GRK5: variants seen among roughly 807,000 people sequenced by gnomAD.
The protein encoded by GRK5 is g protein-coupled receptor kinase GRK5.
GRK5 carries 40 observed loss-of-function variants against 78.4 expected under a neutral mutation model. The ratio of observed to expected loss-of-function variants is 0.51; its 90% CI spans 0.40 to 0.66. The LOEUF is 0.66. Among genes scored for constraint, GRK5 ranks in the 30% least tolerant of loss-of-function variants. The probability of loss-of-function intolerance (pLI) is 0.00; values close to 1 mark genes in which losing one functional copy is unlikely to be tolerated. For missense variants in GRK5, 598 were observed against 759.9 expected (o/e 0.79, Z 2.50); for synonymous variants, 289 against 296.8 (o/e 0.97, Z 0.27).
chr10:119,389,673 C>G (rs1851854968), intron 3 of GRK5, among the ~76,000 whole-genome samples: 1 of 152,194 alleles, frequency 6.6e-6, no homozygotes. Flanking sequence ...AGTCCTTTCC[C>G]TGGAATTGAT....
chr10:119,251,154 G>C (rs1318969075), intron 1 of GRK5, among the ~76,000 whole-genome samples: 2 of 151,428 alleles, frequency 1.3e-5, no homozygotes, highest in African/African-American at 4.9e-5. Flanking sequence ...AACGCTGCTT[G>C]CTCCCAAACT....
At chr10:119,447,662 C>T (rs1405929400) in intron 12 of GRK5, among the ~76,000 whole-genome samples, 1 of 152,160 alleles carries the variant, frequency 6.6e-6, no homozygotes, top group Non-Finnish European at 1.5e-5. Flanking sequence ...ATGATTAGCC[C>T]CCCATGAGTC....
chr10:119,261,317 C>T (rs1417704452), intron 1 of GRK5, among the ~76,000 whole-genome samples: 7 of 147,404 alleles, frequency 4.7e-5, no homozygotes, highest in African/African-American at 1.8e-4. Context: ...GGGGCAGAGA[C>T]GCTCCTCACT....
intron 1 of GRK5, among the ~76,000 whole-genome samples, chr10:119,237,038 T>C (rs1306022296): frequency 4.2e-4 from 63 of 150,422 alleles, no homozygotes. Flanking sequence ...TCAGGGCCTG[T>C]CTTCTGTAGT....
chr10:119,394,329 T>C (rs116242077), intron 3 of GRK5, among the ~76,000 whole-genome samples: 531 of 12,646 alleles, frequency 0.042, 25 homozygotes, highest in Non-Finnish European at 0.049. Context: ...TGTGTGTATC[T>C]GTGTGTCTGT....
chr10:119,265,146 T>A (rs1364684941), intron 1 of GRK5, among the ~76,000 whole-genome samples: 1 of 152,232 alleles, frequency 6.6e-6, no homozygotes, highest in Non-Finnish European at 1.5e-5. Flanking sequence ...AGCCTTTAAT[T>A]TTGGGGGCCT....
At chr10:119,259,968 A>G (rs536004527) in intron 1 of GRK5, among the ~76,000 whole-genome samples, 1 of 151,974 alleles carries the variant, frequency 6.6e-6, no homozygotes, top group Non-Finnish European at 1.5e-5. Flanking sequence ...TCTTCTCTCC[A>G]CTAAATAATG....
chr10:119,233,419 G>C (rs965896419), intron 1 of GRK5, among the ~76,000 whole-genome samples: 11 of 152,110 alleles, frequency 7.2e-5, no homozygotes, highest in Non-Finnish European at 2.9e-5. Flanking sequence ...GGGTTGCCAA[G>C]CTGGTGGAGG....
chr10:119,289,856 A>G (rs113791889), intron 1 of GRK5, among the ~76,000 whole-genome samples: 2 of 152,202 alleles, frequency 1.3e-5, no homozygotes, highest in Non-Finnish European at 2.9e-5. Flanking sequence ...TCAAACACCT[A>G]TGTGTCAGGA....
chr10:119,385,731 G>T (rs1184707451), intron 3 of GRK5, among the ~76,000 whole-genome samples: 1 of 152,184 alleles, frequency 6.6e-6, no homozygotes, highest in Non-Finnish European at 1.5e-5. Context: ...GGGTCACCTT[G>T]TGGGGAAAAT....
intron 2 of GRK5, among the ~76,000 whole-genome samples, chr10:119,357,405 T>G (rs1443759225): frequency 1.3e-5 from 2 of 152,164 alleles, no homozygotes; most frequent in Non-Finnish European, 2.9e-5. Flanking sequence ...AAGCCCCTCA[T>G]GGGAGCGGGG....
At chr10:119,320,234 G>A (rs983359635) in intron 1 of GRK5, among the ~76,000 whole-genome samples, 1 of 152,226 alleles carries the variant, frequency 6.6e-6, no homozygotes, top group Non-Finnish European at 1.5e-5. Flanking sequence ...GATACTGTTT[G>A]GGCTTCTACA....
At chr10:119,330,997 A>G (rs528153788) in intron 2 of GRK5, among the ~76,000 whole-genome samples, 1 of 152,280 alleles carries the variant, frequency 6.6e-6, no homozygotes, top group Admixed American at 6.5e-5. Context: ...ATAAGCTTCC[A>G]GGCATTGCCC....
chr10:119,404,067 A>C (rs1349276478), intron 4 of GRK5, among the ~76,000 whole-genome samples: 1 of 152,200 alleles, frequency 6.6e-6, no homozygotes, highest in Non-Finnish European at 1.5e-5. Flanking sequence ...GTCATGTGGT[A>C]ACTCTATGTT....
intron 15 of GRK5, 98 bp downstream of exon 15, chr10:119,453,374 G>A: frequency 1.1e-5 from 16 of 1,421,886 alleles, no homozygotes; most frequent in Non-Finnish European, 1.3e-5. Context: ...ACCCTTGGAA[G>A]GCTTGGAAGT....
chr10:119,373,534 G>T (rs1851579580), intron 2 of GRK5, among the ~76,000 whole-genome samples: 1 of 152,202 alleles, frequency 6.6e-6, no homozygotes, highest in Non-Finnish European at 1.5e-5. Context: ...TGTCATGATT[G>T]TGAGGCCTCC....
chr10:119,215,802 A>G (rs1303693037), intron 1 of GRK5, among the ~76,000 whole-genome samples: 2 of 152,182 alleles, frequency 1.3e-5, no homozygotes, highest in African/African-American at 4.8e-5. Context: ...ATGTGGGGCT[A>G]TTTTAAAGCA....
chr10:119,442,096 C>T lies in GRK5; in HGVS notation c.1057+8C>T, dbSNP rs1170330025. 6 of 1,611,634 alleles carry T rather than the reference C, an allele frequency of 3.7e-6. No homozygotes were observed. Among genetic ancestry groups the T allele is most frequent in the South Asian group, 1.1e-5 (1 of 91,042 alleles). On this transcript the variant is annotated splice_region_variant and intron_variant, in intron 11 of 15. Coordinates refer to ENST00000392870, the MANE Select transcript of GRK5 (RefSeq NM_005308.3). ...GCACTGTTGGCTACATGGGTGAGTG[C>T]TGGGCTGCCTGTGTCAATGCACCTT... is the stretch of plus-strand genomic sequence containing the variant.
chr10:119,235,326 A>G (rs1400590985), intron 1 of GRK5, among the ~76,000 whole-genome samples: 3 of 152,188 alleles, frequency 2.0e-5, no homozygotes, highest in Admixed American at 6.5e-5. Context: ...TGATTTGCCT[A>G]TTATCCCTGG....
Sources: gnomAD v4.1 joint callset for allele counts (sites outside exome capture counted in the v4.1 genomes callset) on GRCh38, gnomAD v4.1.1 for gene constraint, MANE v1.5 for transcripts, NCBI Gene and HGNC (gene_info 2026-07-23, HGNC 2026-07-21) for gene names.